Variants in KPNA4 observed in about 807,000 individuals in gnomAD.
KPNA4 encodes importin subunit alpha-3.
KPNA4 carries 13 observed loss-of-function variants against 71.3 expected under a neutral mutation model. That is an observed-to-expected ratio of 0.18 (90% CI 0.12 to 0.29). The LOEUF (loss-of-function observed/expected upper bound fraction) is 0.29, where lower values mean the gene tolerates loss of function less well. Among genes scored for constraint, KPNA4 ranks in the 10% least tolerant of loss-of-function variants. The pLI is 1.00. For missense variants in KPNA4, 334 were observed against 603.2 expected (o/e 0.55, Z 4.67); for synonymous variants, 189 against 195.2 (o/e 0.97, Z 0.26).
At chr3:160,548,561 G>T (rs1721975835) in intron 1 of KPNA4, among the ~76,000 whole-genome samples, 1 of 152,012 alleles carries the variant, frequency 6.6e-6, no homozygotes, top group African/African-American at 2.4e-5. Flanking sequence ...GTATTTTTTT[G>T]TGTGTGACTG....
At chr3:160,509,198 G>C (rs1202016132) in intron 14 of KPNA4, among the ~76,000 whole-genome samples, 1 of 152,110 alleles carries the variant, frequency 6.6e-6, no homozygotes, top group African/African-American at 2.4e-5. Context: ...CTCTTTCCTA[G>C]GCATCTTACA....
At chr3:160,509,041 TAC>T (rs1466552198) in intron 14 of KPNA4, among the ~76,000 whole-genome samples, 1 of 152,246 alleles carries the variant, frequency 6.6e-6, no homozygotes, top group African/African-American at 2.4e-5. Flanking sequence ...GCCTTTTTGT[TAC>T]AGTTATCAAT....
At chr3:160,550,613 C>T (rs1346172004) in intron 1 of KPNA4, among the ~76,000 whole-genome samples, 1 of 152,198 alleles carries the variant, frequency 6.6e-6, no homozygotes, top group Non-Finnish European at 1.5e-5. Context: ...AGTTTTTCAT[C>T]ACTGAATATG....
intron 1 of KPNA4, among the ~76,000 whole-genome samples, chr3:160,555,062 G>C (rs538246370): frequency 1.3e-5 from 2 of 152,228 alleles, no homozygotes; most frequent in African/African-American, 2.4e-5. Context: ...ATGGGACTGA[G>C]CTCTCAACCT....
rs575693109 is a variant in KPNA4 at position 160,551,849 on chromosome 3, TA to T, written c.69+13364del. 9.7e-4 allele frequency among the ~76,000 whole-genome samples: 147 copies of T among 150,782 alleles called. 3 individuals carry two copies. The South Asian group carries it at 0.03, about 31-fold the overall frequency. ...TGATGTTCTGGGAAGTTTACTGAAG[TA>T]ACTGTATTCTAATGGTTCTCATCTG... On this transcript the variant is annotated intron_variant, in intron 1 of 16. Coordinates refer to ENST00000334256, the MANE Select transcript of KPNA4 (RefSeq NM_002268.5).
Position 160,505,063 on chromosome 3 carries a change from T to G in KPNA4, c.1373-11A>C. 1 of 1,430,154 alleles carries G rather than the reference T, an allele frequency of 7.0e-7. No individual in the cohort carries two copies. The highest frequency in any genetic ancestry group is 9.5e-7 in the Non-Finnish European group (1 of 1,058,082). The allele number at this position is 1,430,154 out of a possible 1,614,324, so 88.6% of individuals were successfully genotyped here. ...CAATTTTCTCCAGCCCTGCAAGAAA[T>G]TTTGCAATGTGAAACAATAGTAATA... On this transcript the variant is annotated splice_polypyrimidine_tract_variant and intron_variant, in intron 15 of 16. Coordinates refer to ENST00000334256, the MANE Select transcript of KPNA4 (RefSeq NM_002268.5).
intron 1 of KPNA4, among the ~76,000 whole-genome samples, chr3:160,555,017 T>C (rs1048083533): frequency 2.0e-5 from 3 of 152,212 alleles, no homozygotes; most frequent in Non-Finnish European, 4.4e-5. Context: ...ACATAACCTG[T>C]GCTTGTGATT....
intron 1 of KPNA4, among the ~76,000 whole-genome samples, chr3:160,554,604 C>T (rs1240771227): frequency 6.6e-6 from 1 of 152,186 alleles, no homozygotes; most frequent in Non-Finnish European, 1.5e-5. Flanking sequence ...GGGCTGATCA[C>T]TGGAAAGACC....
chr3:160,500,145 C>T lies in KPNA4; in HGVS notation c.*1959G>A, dbSNP rs1447788577. ...CTTTATAAAAAAAAAAAAATCCACA[C>T]ACCACACACACACACCCCATGTAAA... On this transcript the variant is annotated 3_prime_UTR_variant, in exon 17 of 17. Coordinates refer to ENST00000334256, the MANE Select transcript of KPNA4 (RefSeq NM_002268.5). 4 of 151,964 alleles carry T rather than the reference C, an allele frequency of 2.6e-5. No individual in the cohort carries two copies. The highest frequency in any genetic ancestry group is 9.7e-5 in the African/African-American group (4 of 41,322). 9.4% of individuals were successfully genotyped at this position (151,964 alleles called of 1,614,324 possible).
At position 160,534,718 on chromosome 3, in the gene KPNA4, G is replaced by GAAAAAAAAAAAAAAA. The variant is rs544384718; in HGVS notation, c.287+780_287+794dup. ...GGCGACAGAGTGAGACTCCATCTCA[G>GAAAAAAAAAAAAAAA]AAAAAAAAAAAAAAAAAGAAATGTT... On this transcript the variant is annotated intron_variant, in intron 5 of 16. Transcript: ENST00000334256. Among the ~76,000 whole-genome samples the GAAAAAAAAAAAAAAA allele has an allele frequency of 3.1e-3, 226 of 72,958 alleles. 15 individuals carry two copies. Among genetic ancestry groups the GAAAAAAAAAAAAAAA allele is most frequent in the Non-Finnish European group, 4.6e-3 (177 of 38,820 alleles). 47.9% of individuals were successfully genotyped at this position (72,958 alleles called of 152,430 possible).
At chr3:160,551,081 T>C (rs1044449448) in intron 1 of KPNA4, among the ~76,000 whole-genome samples, 1 of 149,462 alleles carries the variant, frequency 6.7e-6, no homozygotes, top group African/African-American at 2.5e-5. Context: ...ATTCTTTAAA[T>C]GTTTGGTAGA....
chr3:160,539,892 C>T (rs1432507761), intron 1 of KPNA4, among the ~76,000 whole-genome samples: 1 of 152,030 alleles, frequency 6.6e-6, no homozygotes, highest in Non-Finnish European at 1.5e-5. Context: ...CAACTACATA[C>T]TGCATATTTA....
At chr3:160,516,790 CAT>C (rs1721234989) in intron 11 of KPNA4, among the ~76,000 whole-genome samples, 1 of 151,920 alleles carries the variant, frequency 6.6e-6, no homozygotes, top group Admixed American at 6.5e-5. Context: ...AGACAAAAAA[CAT>C]AGTGCCTTTC....
Position 160,546,821 on chromosome 3 carries a change from G to A in KPNA4, c.70-9981C>T, listed in dbSNP as rs181857786. Reference sequence around the variant, plus strand: ...TCAAGACTTAGAGCTTCTAACCCACGTCTCATTTATTGTGGTATAGTACTG... The same window carrying A: ...TCAAGACTTAGAGCTTCTAACCCACATCTCATTTATTGTGGTATAGTACTG... On this transcript the variant is annotated intron_variant, in intron 1 of 16. Transcript: ENST00000334256. Among the ~76,000 whole-genome samples the A allele has an allele frequency of 6.6e-5, 10 of 152,054 alleles. No individual in the cohort carries two copies. The East Asian group carries it at 1.2e-3, about 18-fold the overall frequency.
At chr3:160,533,448 T>TAA (rs202042106) in intron 5 of KPNA4, among the ~76,000 whole-genome samples, 1 of 143,252 alleles carries the variant, frequency 7.0e-6, no homozygotes. Flanking sequence ...AGTGGAAATT[T>TAA]AAAAAAAAAA....
chr3:160,516,585 G>C (rs1721228409), intron 11 of KPNA4, among the ~76,000 whole-genome samples: 1 of 152,008 alleles, frequency 6.6e-6, no homozygotes, highest in Non-Finnish European at 1.5e-5. Flanking sequence ...TTTGACACCA[G>C]GCTGGGCAAC....
At chr3:160,516,361 C>T (rs1721221123) in intron 11 of KPNA4, among the ~76,000 whole-genome samples, 1 of 150,862 alleles carries the variant, frequency 6.6e-6, no homozygotes, top group African/African-American at 2.5e-5. Flanking sequence ...TGAAGATAGA[C>T]ACATGTTCCA....
At chr3:160,508,069 A>G in intron 15 of KPNA4, 38 bp downstream of exon 15, 1 of 1,499,280 alleles carries the variant, frequency 6.7e-7, no homozygotes, top group South Asian at 1.3e-5. Context: ...TACAAAGAGA[A>G]CATTAAGATG....
chr3:160,564,874 G>C (rs1292832476), intron 1 of KPNA4, among the ~76,000 whole-genome samples: 3 of 149,276 alleles, frequency 2.0e-5, no homozygotes, highest in Non-Finnish European at 4.5e-5. Flanking sequence ...CGGCCCGGCC[G>C]GGGCAGCACC....
Sources: allele counts gnomAD v4.1 joint callset (sites outside exome capture counted in the v4.1 genomes callset), GRCh38; gene constraint gnomAD v4.1.1; transcripts MANE v1.5; gene names NCBI Gene and HGNC (gene_info 2026-07-23, HGNC 2026-07-21).